FSTL5: variants seen among roughly 807,000 people sequenced by gnomAD.
FSTL5 encodes follistatin-related protein 5.
Under a neutral mutation model 89.1 loss-of-function variants are expected in FSTL5, and 62 were observed. The ratio of observed to expected loss-of-function variants is 0.70; its 90% CI spans 0.57 to 0.86. The LOEUF is 0.86. Ranked by LOEUF, FSTL5 falls within the 40% of genes least tolerant of loss-of-function variation. The pLI is 0.00. For synonymous variants in FSTL5, 383 were observed against 346.2 expected (o/e 1.11, Z -1.18); for missense variants, 1,057 against 1,001.6 (o/e 1.06, Z -0.75).
At chr4:161,631,580 T>G (rs1024655882) in intron 7 of FSTL5, among the ~76,000 whole-genome samples, 12 of 152,098 alleles carry the variant, frequency 7.9e-5, no homozygotes, top group Non-Finnish European at 1.5e-4. Flanking sequence ...TCGTACCATT[T>G]CACTCCAGAC....
At chr4:161,752,615 T>A (rs1417823469) in intron 6 of FSTL5, among the ~76,000 whole-genome samples, 1 of 152,174 alleles carries the variant, frequency 6.6e-6, no homozygotes, top group African/African-American at 2.4e-5. Flanking sequence ...TGGATTCAGC[T>A]TTGAAAAATG....
At chr4:162,104,920 C>T (rs757677388) in intron 2 of FSTL5, among the ~76,000 whole-genome samples, 3 of 152,140 alleles carry the variant, frequency 2.0e-5, no homozygotes, top group Admixed American at 6.5e-5. Flanking sequence ...AAAAACAATA[C>T]TACCCCTTGT....
In FSTL5 at chr4:161,878,564, C is replaced by T. The variant is rs190705858; in HGVS notation, c.409+41840G>A. On this transcript the variant is annotated intron_variant, in intron 4 of 15. Coordinates refer to ENST00000306100, the MANE Select transcript of FSTL5 (RefSeq NM_020116.5). ...TTCTTTGTTTATTTACATTTCATAT[C>T]CTAAAAGATATATTTTTAAATATAA... is the stretch of plus-strand genomic sequence containing the variant. Among the ~76,000 whole-genome samples, 335 of 151,832 alleles carry T rather than the reference C, an allele frequency of 2.2e-3. 1 individual carries two copies. The highest frequency in any genetic ancestry group is 3.3e-3 in the Non-Finnish European group (221 of 67,902).
At chr4:162,116,171 C>A (rs1731629701) in intron 1 of FSTL5, among the ~76,000 whole-genome samples, 1 of 152,106 alleles carries the variant, frequency 6.6e-6, no homozygotes, top group Non-Finnish European at 1.5e-5. Context: ...TAAGAGTATG[C>A]AAAGAAGTTT....
At chr4:161,915,565 G>A (rs539096163) in intron 4 of FSTL5, among the ~76,000 whole-genome samples, 22 of 151,866 alleles carry the variant, frequency 1.4e-4, no homozygotes, top group Non-Finnish European at 2.6e-4. Context: ...TCACATCACC[G>A]AATTAAAAAA....
intron 4 of FSTL5, 141 bp downstream of exon 4, chr4:161,920,263 C>T: frequency 1.3e-6 from 1 of 742,500 alleles, no homozygotes; most frequent in Non-Finnish European, 2.2e-6. Context: ...CACACTGCTA[C>T]TTAGTGGAGT....
chr4:161,860,142 G>A (rs928106456), intron 4 of FSTL5, among the ~76,000 whole-genome samples: 2 of 152,018 alleles, frequency 1.3e-5, no homozygotes, highest in African/African-American at 4.8e-5. Context: ...CAAAAAATTA[G>A]CCGGGCGTGG....
At chr4:162,053,617 T>C (rs565836132) in intron 2 of FSTL5, among the ~76,000 whole-genome samples, 7 of 151,858 alleles carry the variant, frequency 4.6e-5, no homozygotes, top group African/African-American at 1.7e-4. Flanking sequence ...ATGAAAAATG[T>C]TTAAGGAGAT....
intron 4 of FSTL5, among the ~76,000 whole-genome samples, chr4:161,854,570 T>A (rs1381103939): frequency 1.3e-5 from 2 of 152,182 alleles, no homozygotes; most frequent in Non-Finnish European, 2.9e-5. Context: ...ATTACTGCTG[T>A]TAATCCAACA....
At chr4:161,524,056 T>C (rs944260737) in intron 10 of FSTL5, among the ~76,000 whole-genome samples, 3 of 152,142 alleles carry the variant, frequency 2.0e-5, no homozygotes, top group African/African-American at 7.2e-5. Context: ...TATACCTCTC[T>C]GGCATTAATG....
intron 13 of FSTL5, among the ~76,000 whole-genome samples, chr4:161,476,847 G>A (rs144201640): frequency 2.2e-4 from 34 of 152,264 alleles, no homozygotes; most frequent in African/African-American, 8.2e-4. Flanking sequence ...TCTGAAATCA[G>A]AAGTGTCAAT....
chr4:161,779,986 T>C (rs914811471), intron 4 of FSTL5, among the ~76,000 whole-genome samples: 2 of 148,404 alleles, frequency 1.3e-5, no homozygotes, highest in Admixed American at 1.3e-4. Context: ...GAGAGAACTT[T>C]TCAAGAAACA....
In FSTL5 at chr4:161,574,344, CT is replaced by C. The variant is rs200138310; in HGVS notation, c.1015+13110del. ...TGACTTTCCTTTTTCTTTTTTTTTT[CT>C]TTTTTTTTTTTAAATTTTACTTTAA... On this transcript the variant is annotated intron_variant, in intron 8 of 15. Coordinates refer to ENST00000306100, the MANE Select transcript of FSTL5 (RefSeq NM_020116.5). Among the ~76,000 whole-genome samples, 177 of 137,154 alleles carry C rather than the reference CT, an allele frequency of 1.3e-3. 1 individual carries two copies. Among genetic ancestry groups the C allele is most frequent in the South Asian group, 6.9e-4 (3 of 4,346 alleles). The allele number at this position is 137,154 out of a possible 152,430, so 90.0% of individuals were successfully genotyped here.
At chr4:162,129,039 T>C (rs2111452928) in intron 1 of FSTL5, among the ~76,000 whole-genome samples, 1 of 152,106 alleles carries the variant, frequency 6.6e-6, no homozygotes, top group East Asian at 1.9e-4. Context: ...ATTCTCCTGT[T>C]CTCCTGCCTC....
chr4:161,817,756 T>G (rs998663416), intron 4 of FSTL5, among the ~76,000 whole-genome samples: 1 of 152,234 alleles, frequency 6.6e-6, no homozygotes, highest in African/African-American at 2.4e-5. Flanking sequence ...ATTTTCAGAT[T>G]AAAATATGTG....
At chr4:162,053,221 G>T (rs1738439036) in intron 2 of FSTL5, among the ~76,000 whole-genome samples, 2 of 151,694 alleles carry the variant, frequency 1.3e-5, no homozygotes, top group Non-Finnish European at 3.0e-5. Context: ...TGTGCTCTAG[G>T]TAAAGGAAAA....
At chr4:161,606,329 C>T (rs777145239) in intron 7 of FSTL5, among the ~76,000 whole-genome samples, 1 of 150,418 alleles carries the variant, frequency 6.6e-6, no homozygotes, top group Non-Finnish European at 1.5e-5. Context: ...CTGCAACCTC[C>T]GACTGACTAC....
intron 13 of FSTL5, among the ~76,000 whole-genome samples, chr4:161,464,425 T>C (rs1171539214): frequency 6.6e-6 from 1 of 152,238 alleles, no homozygotes; most frequent in Non-Finnish European, 1.5e-5. Flanking sequence ...TATTTAATAA[T>C]CAAACCCTCC....
At chr4:161,882,887 TA>T (rs1732679171) in intron 4 of FSTL5, among the ~76,000 whole-genome samples, 1 of 152,102 alleles carries the variant, frequency 6.6e-6, no homozygotes, top group Non-Finnish European at 1.5e-5. Flanking sequence ...TGTAGGAAGA[TA>T]ATGGTTAAAT....
Sources: allele counts gnomAD v4.1 joint callset (sites outside exome capture counted in the v4.1 genomes callset), GRCh38; gene constraint gnomAD v4.1.1; transcripts MANE v1.5; gene names NCBI Gene and HGNC (gene_info 2026-07-23, HGNC 2026-07-21).